The following YWHAG variants were observed in gnomAD, a reference collection of about 807,000 sequenced individuals.
YWHAG encodes the protein 14-3-3 protein gamma.
Under a neutral mutation model 23.3 loss-of-function variants are expected in YWHAG, and 1 was observed. The observed-to-expected ratio is 0.04, with a 90% CI of 0.02 to 0.20. YWHAG has a LOEUF of 0.20. YWHAG is among the 10% of genes least tolerant of loss of function. The pLI, the probability that YWHAG is intolerant of heterozygous loss-of-function variation, is 1.00. For synonymous variants in YWHAG, 160 were observed against 144.0 expected (o/e 1.11, Z -0.80); for missense variants, 151 against 338.6 (o/e 0.45, Z 4.35).
intron 1 of YWHAG, among the ~76,000 whole-genome samples, chr7:76,339,016 G>A (rs550339937): frequency 6.6e-6 from 1 of 152,258 alleles, no homozygotes; most frequent in Non-Finnish European, 1.5e-5. Flanking sequence ...AATTTACCCT[G>A]TTATTCATAC....
intron 1 of YWHAG, among the ~76,000 whole-genome samples, chr7:76,348,265 G>GTTTTTTTTT (rs201085040): frequency 7.9e-6 from 1 of 127,374 alleles, no homozygotes; most frequent in African/African-American, 3.0e-5. Flanking sequence ...CTTAGACTTC[G>GTTTTTTTTT]TTTTTTTTTT....
At chr7:76,330,329 CATG>C in intron 1 of YWHAG, 96 bp from the exon 2 acceptor site, 3 of 1,270,528 alleles carry the variant, frequency 2.4e-6, no homozygotes, top group Non-Finnish European at 3.2e-6. Context: ...TGTTGAGTAA[CATG>C]ATGAACAGAA....
intron 1 of YWHAG, among the ~76,000 whole-genome samples, chr7:76,336,046 C>T (rs1803611048): frequency 6.6e-6 from 1 of 152,180 alleles, no homozygotes; most frequent in South Asian, 2.1e-4. Context: ...ATCCTCCTGC[C>T]TCAACCTGGA....
chr7:76,350,286 T>C (rs1377245142), intron 1 of YWHAG, among the ~76,000 whole-genome samples: 1 of 152,206 alleles, frequency 6.6e-6, no homozygotes, highest in Admixed American at 6.5e-5. Context: ...ATGGGTGCCT[T>C]TTGAATTCTG....
At chr7:76,355,161 A>G (rs1464396075) in intron 1 of YWHAG, among the ~76,000 whole-genome samples, 1 of 152,236 alleles carries the variant, frequency 6.6e-6, no homozygotes, top group Non-Finnish European at 1.5e-5. Flanking sequence ...GAATGTACCC[A>G]ATGCCACTCA....
At chr7:76,353,356 G>A (rs1341650339) in intron 1 of YWHAG, among the ~76,000 whole-genome samples, 2 of 152,004 alleles carry the variant, frequency 1.3e-5, no homozygotes, top group South Asian at 2.1e-4. Flanking sequence ...AGGATTACAG[G>A]TGCATGCCAC....
chr7:76,329,548 C>T lies in YWHAG; in HGVS notation c.*29G>A. 7.4e-7 allele frequency: 1 copy of T among 1,358,640 alleles called. No homozygotes were observed. The highest frequency in any genetic ancestry group is 9.8e-7 in the Non-Finnish European group (1 of 1,022,400). The allele number at this position is 1,358,640 out of a possible 1,614,324, so 84.2% of individuals were successfully genotyped here. A position where few individuals can be genotyped will look rare whatever the true frequency, so the allele number is the denominator to read the frequency against. On this transcript the variant is annotated 3_prime_UTR_variant, in exon 2 of 2. Coordinates refer to ENST00000307630, the MANE Select transcript of YWHAG (RefSeq NM_012479.4). This position sits in a 1 kb window ranked among gnomAD's most constrained non-coding sequence, Gnocchi z 6.1. ...AAAATAAAGACTGCAGTAGTAGCAT[C>T]CGCGTGCGCTGCCAGTTCCCCTGGG...
chr7:76,355,243 G>A lies in YWHAG; in HGVS notation c.87+3479C>T, dbSNP rs543079490. Among the ~76,000 whole-genome samples the A allele has an allele frequency of 2.7e-4, 41 of 152,234 alleles. No homozygotes were observed. In the South Asian group the frequency reaches 5.6e-3, roughly 21 times the overall value. The stretch of plus-strand genomic sequence containing the variant: ...ACTTTTACCTCGATAAAAACACATC[G>A]TTTTCTCCACTCTTTTCAATAATTT... On this transcript the variant is annotated intron_variant, in intron 1 of 1. Transcript: ENST00000307630.
At chr7:76,335,951 C>T (rs549943673) in intron 1 of YWHAG, among the ~76,000 whole-genome samples, 1 of 152,112 alleles carries the variant, frequency 6.6e-6, no homozygotes, top group East Asian at 1.9e-4. Context: ...TGTCCGCACC[C>T]CCACCACACC....
intron 1 of YWHAG, among the ~76,000 whole-genome samples, chr7:76,338,847 A>C (rs1315222323): frequency 6.6e-6 from 1 of 152,260 alleles, no homozygotes; most frequent in East Asian, 1.9e-4. Flanking sequence ...GGTCATGTGC[A>C]TATGACAGAA....
At chr7:76,334,707 T>G (rs1419290657) in intron 1 of YWHAG, among the ~76,000 whole-genome samples, 1 of 151,066 alleles carries the variant, frequency 6.6e-6, no homozygotes, top group African/African-American at 2.4e-5. Flanking sequence ...TGAGCCATTC[T>G]GCCTAACCTT....
chr7:76,335,678 C>T (rs1290867288), intron 1 of YWHAG, among the ~76,000 whole-genome samples: 2 of 152,214 alleles, frequency 1.3e-5, no homozygotes, highest in Admixed American at 6.5e-5. Context: ...GGACCAGACA[C>T]AGCCGCTCAC....
intron 1 of YWHAG, among the ~76,000 whole-genome samples, chr7:76,332,891 A>G (rs138895358): frequency 0.027 from 4,117 of 152,120 alleles, 196 homozygotes; most frequent in African/African-American, 0.093. Context: ...TTTAGTAGAG[A>G]CAGCGTTTTG....
In YWHAG at chr7:76,358,939, C is replaced by G. The variant is rs1804008161; in HGVS notation, c.-131G>C. Reference sequence around the variant, plus strand: ...GAGCGAGCAGCTGAGGCGGCGGCTGCGCGGAGGAGGCGGCTGGAGCTGCGA... The same window carrying G: ...GAGCGAGCAGCTGAGGCGGCGGCTGGGCGGAGGAGGCGGCTGGAGCTGCGA... On this transcript the variant is annotated 5_prime_UTR_variant, in exon 1 of 2. Coordinates refer to ENST00000307630, the MANE Select transcript of YWHAG (RefSeq NM_012479.4). 2.4e-6 allele frequency: 2 copies of G among 826,770 alleles called. No individual in the cohort carries two copies. Among genetic ancestry groups the G allele is most frequent in the South Asian group, 2.8e-5 (1 of 35,626 alleles). The allele number at this position is 826,770 out of a possible 1,614,324, so 51.2% of individuals were successfully genotyped here.
At chr7:76,356,717 A>C (rs1402830261) in intron 1 of YWHAG, among the ~76,000 whole-genome samples, 1 of 152,240 alleles carries the variant, frequency 6.6e-6, no homozygotes, top group Non-Finnish European at 1.5e-5. Flanking sequence ...ATGAATGTTT[A>C]AAAATATAAA....
intron 1 of YWHAG, among the ~76,000 whole-genome samples, chr7:76,335,524 G>A (rs1803603577): frequency 6.6e-6 from 1 of 152,230 alleles, no homozygotes; most frequent in Non-Finnish European, 1.5e-5. Flanking sequence ...AAGAGTTGAT[G>A]AGGAGAGAAA....
chr7:76,346,224 T>C (rs1221738960), intron 1 of YWHAG, among the ~76,000 whole-genome samples: 2 of 152,312 alleles, frequency 1.3e-5, no homozygotes, highest in East Asian at 3.9e-4. Flanking sequence ...CTCCTCCCCT[T>C]GTCAGCCTTC....
chr7:76,346,667 G>A (rs1026345714), intron 1 of YWHAG, among the ~76,000 whole-genome samples: 1 of 152,024 alleles, frequency 6.6e-6, no homozygotes, highest in Non-Finnish European at 1.5e-5. Context: ...TGCCGTTCTT[G>A]TCCAGGTCCC....
intron 1 of YWHAG, 112 bp downstream of exon 1, chr7:76,358,610 C>G: frequency 1.0e-5 from 11 of 1,080,550 alleles, no homozygotes; most frequent in Non-Finnish European, 1.4e-5. Flanking sequence ...GTGAGCGAGA[C>G]GGGGCGGTCA....
Sources: gnomAD v4.1 joint callset for allele counts (sites outside exome capture counted in the v4.1 genomes callset) on GRCh38, gnomAD v4.1.1 for gene constraint, Gnocchi (gnomAD v3.1) non-coding constraint, MANE v1.5 for transcripts, NCBI Gene and HGNC (gene_info 2026-07-23, HGNC 2026-07-21) for gene names.